The following EIF2AK4 variants were observed in gnomAD, a reference collection of about 807,000 sequenced individuals.
EIF2AK4 encodes the protein eukaryotic translation initiation factor 2 alpha kinase 4, also known as eIF-2-alpha kinase GCN2.
A neutral mutation model predicts 211.1 loss-of-function variants in EIF2AK4; 139 were observed. The ratio of observed to expected loss-of-function variants is 0.66; its 90% CI spans 0.57 to 0.76. The LOEUF (loss-of-function observed/expected upper bound fraction) is 0.76, where lower values mean the gene tolerates loss of function less well. Among genes scored for constraint, EIF2AK4 ranks in the 30% least tolerant of loss-of-function variants. The pLI, the probability that EIF2AK4 is intolerant of heterozygous loss-of-function variation, is 0.00. For missense variants in EIF2AK4, 1,664 were observed against 2,043.8 expected (o/e 0.81, Z 3.58); for synonymous variants, 710 against 751.3 (o/e 0.94, Z 0.90).
In EIF2AK4 at chr15:40,035,223, A is replaced by C. The variant is rs1025369046; in HGVS notation, c.*139A>C. ...AGTGGCTCACACCTTTAATCCCAGC[A>C]CTTTGGGAAGCCAAGGCAGGAAGAC... On this transcript the variant is annotated 3_prime_UTR_variant, in exon 39 of 39. Coordinates refer to ENST00000263791, the MANE Select transcript of EIF2AK4 (RefSeq NM_001013703.4). The C allele has an allele frequency of 3.1e-5, 18 of 589,936 alleles. No homozygotes were observed. Among genetic ancestry groups the C allele is most frequent in the Non-Finnish European group, 7.8e-6 (3 of 385,668 alleles). The allele number at this position is 589,936 out of a possible 1,614,324, so 36.5% of individuals were successfully genotyped here.
chr15:40,033,427 C>A (rs576382469), intron 37 of EIF2AK4, among the ~76,000 whole-genome samples: 1 of 152,244 alleles, frequency 6.6e-6, no homozygotes, highest in South Asian at 2.1e-4. Flanking sequence ...CCTTTATCAT[C>A]AAATAGCCTA....
chr15:40,024,519 C>T (rs1346705018), intron 32 of EIF2AK4, among the ~76,000 whole-genome samples: 1 of 151,074 alleles, frequency 6.6e-6, no homozygotes, highest in Non-Finnish European at 1.5e-5. Flanking sequence ...CCTACCTCAG[C>T]CTCCTGAGTA....
intron 32 of EIF2AK4, among the ~76,000 whole-genome samples, chr15:40,023,643 G>A (rs2035424296): frequency 6.6e-6 from 1 of 152,138 alleles, no homozygotes; most frequent in Non-Finnish European, 1.5e-5. Flanking sequence ...CCTGATATGG[G>A]TAATTTGTGT....
In EIF2AK4 at chr15:40,006,943, A is replaced by C. The variant is rs2035170087; in HGVS notation, c.3358-73A>C. 2.6e-6 allele frequency: 3 copies of C among 1,162,202 alleles called. No individual in the cohort carries two copies. In the South Asian group the frequency reaches 3.9e-5, roughly 15 times the overall value. 72.0% of individuals were successfully genotyped at this position (1,162,202 alleles called of 1,614,324 possible). A position where few individuals can be genotyped will look rare whatever the true frequency, so the allele number is the denominator to read the frequency against. ...GGGTGAACTTTATGGGACAGGAGTT[A>C]TGTTTCAATAAAGCCGCTATTAACA... On this transcript the variant is annotated intron_variant, in intron 23 of 38. Coordinates refer to ENST00000263791, the MANE Select transcript of EIF2AK4 (RefSeq NM_001013703.4).
chr15:40,034,977 T>G, intron 38 of EIF2AK4, 50 bp from the exon 39 acceptor site: 1 of 1,437,308 alleles, frequency 7.0e-7, no homozygotes, highest in Non-Finnish European at 9.5e-7. Flanking sequence ...AGCTCTGTTC[T>G]TCACTCATTA....
chr15:39,999,805 T>C (rs986814366), intron 20 of EIF2AK4, among the ~76,000 whole-genome samples: 11 of 152,212 alleles, frequency 7.2e-5, no homozygotes, highest in Admixed American at 3.9e-4. Flanking sequence ...TAAGTAAACA[T>C]TCATTTCATA....
Position 40,016,658 on chromosome 15 carries a change from G to T in EIF2AK4, c.3916G>T (p.Gly1306Cys), listed in dbSNP as rs35602605. 257,376 of 1,613,804 alleles carry T rather than the reference G, an allele frequency of 0.16. 22,431 individuals are homozygous for T. The highest frequency in any genetic ancestry group is 0.18 in the Non-Finnish European group (215,677 of 1,179,882). Residue 1306 changes from glycine (G) to cysteine (C), a missense_variant, in exon 28 of 39, where the codon GGC becomes TGC. By Grantham distance (159) the Gly-to-Cys change is radical (BLOSUM62 -3). Around this residue, in one of 7 missense-constraint regions of EIF2AK4, gnomAD observed 622 missense variants for 796.8 expected, o/e 0.78. Transcript: ENST00000263791. ...GGTTGTTGGACTGTTGAAGAAACTC[G>T]GCATCAAGTTACAGGTTTGGCAACA... The part of the protein sequence containing the change: ...EEVVGLLKKL[G>C]IKLQVLINLG...
chr15:39,972,954 T>C lies in EIF2AK4; in HGVS notation c.1600T>C (p.Leu534=). 6.2e-7 allele frequency: 1 copy of C among 1,614,058 alleles called. No individual in the cohort carries two copies. The highest frequency in any genetic ancestry group is 8.5e-7 in the Non-Finnish European group (1 of 1,179,994). Residue 534 remains leucine, a synonymous_variant, in exon 10 of 39, where the codon TTG becomes CTG. Coordinates refer to ENST00000263791, the MANE Select transcript of EIF2AK4 (RefSeq NM_001013703.4). The part of the protein sequence containing the change: ...DKERWSPQQL[L]KHSFINPQPK... Reference sequence around the variant, plus strand: ...GGAAAGATGGAGTCCCCAGCAGTTGTTGAAACACAGCTTTATAAATCCCCA... The same window carrying C: ...GGAAAGATGGAGTCCCCAGCAGTTGCTGAAACACAGCTTTATAAATCCCCA...
intron 18 of EIF2AK4, 97 bp from the exon 19 acceptor site, chr15:39,996,867 A>G (rs2035025024): frequency 3.4e-6 from 3 of 889,340 alleles, no homozygotes; most frequent in Non-Finnish European, 5.5e-6. Context: ...GTACTCCTAC[A>G]AACTTTATTT....
rs1360583083 is a variant in EIF2AK4 at position 39,967,855 on chromosome 15, C to G, written c.1529C>G (p.Ala510Gly). Residue 510 changes from alanine (A) to glycine (G), a missense_variant, in exon 9 of 39, where the codon GCT becomes GGT. Physicochemically the swap from Ala to Gly is moderately conservative, Grantham distance 60 (BLOSUM62 0). Coordinates refer to ENST00000263791, the MANE Select transcript of EIF2AK4 (RefSeq NM_001013703.4). ...GTGACCATCCCTAGTGACTTACCAG[C>G]TGACTTTCAAGATTTTCTAAAGAAG... ...YPVTIPSDLPADFQDFLKKCV... is the reference protein window; with the variant it reads ...YPVTIPSDLPGDFQDFLKKCV... 6.2e-7 allele frequency: 1 copy of G among 1,613,740 alleles called. No homozygotes were observed. The highest frequency in any genetic ancestry group is 1.3e-5 in the African/African-American group (1 of 74,914).
chr15:39,985,972 A>C, intron 14 of EIF2AK4, 84 bp downstream of exon 14: 1 of 1,231,716 alleles, frequency 8.1e-7, no homozygotes, highest in Non-Finnish European at 1.2e-6. Flanking sequence ...GAACAAGATA[A>C]TGGACAGAGG....
Position 39,967,515 on chromosome 15 carries a change from A to G in EIF2AK4, c.1189A>G (p.Ile397Val). ...TGCACACCTGAGCCACTCAGGCCCC[A>G]TCCCTGTGCATCAGCTTCGCAGGTA... Reference protein sequence around the residue: ...LAAHLSHSGPIPVHQLRRYTA... With the variant: ...LAAHLSHSGPVPVHQLRRYTA... Residue 397 changes from isoleucine to valine, a missense_variant, in exon 9 of 39, where the codon ATC becomes GTC. Physicochemically the swap from Ile to Val is conservative, Grantham distance 29. Coordinates refer to ENST00000263791, the MANE Select transcript of EIF2AK4 (RefSeq NM_001013703.4). 1 of 1,613,872 alleles carries G rather than the reference A, an allele frequency of 6.2e-7. No homozygotes were observed. The highest frequency in any genetic ancestry group is 1.1e-5 in the South Asian group (1 of 91,072).
intron 18 of EIF2AK4, among the ~76,000 whole-genome samples, chr15:39,995,081 A>T (rs1330606925): frequency 1.3e-5 from 2 of 152,072 alleles, no homozygotes; most frequent in African/African-American, 4.8e-5. Context: ...ACCTCAGATG[A>T]TCCACTTGCC....
At chr15:39,953,075 T>C (rs1595545440) in intron 4 of EIF2AK4, among the ~76,000 whole-genome samples, 1 of 152,254 alleles carries the variant, frequency 6.6e-6, no homozygotes, top group South Asian at 2.1e-4. Flanking sequence ...CTCAAACTCC[T>C]GACCTTGTGA....
intron 19 of EIF2AK4, among the ~76,000 whole-genome samples, chr15:39,998,257 G>GTTTTTT (rs752625722): frequency 9.1e-5 from 10 of 109,750 alleles, no homozygotes; most frequent in Non-Finnish European, 1.6e-4. Flanking sequence ...TATGGGTGTG[G>GTTTTTT]TTTTTTTTTT....
intron 29 of EIF2AK4, among the ~76,000 whole-genome samples, chr15:40,018,128 G>A (rs1304476913): frequency 6.6e-6 from 1 of 152,048 alleles, no homozygotes; most frequent in African/African-American, 2.4e-5. Context: ...ACATCAAACA[G>A]TGTTAAATTT....
intron 19 of EIF2AK4, among the ~76,000 whole-genome samples, chr15:39,998,453 A>G (rs1158222894): frequency 1.3e-5 from 2 of 152,006 alleles, no homozygotes; most frequent in African/African-American, 4.8e-5. Context: ...CCTGAGCTAA[A>G]AGGGACCAAT....
At chr15:39,954,404 C>T (rs1280670472) in intron 5 of EIF2AK4, among the ~76,000 whole-genome samples, 1 of 152,162 alleles carries the variant, frequency 6.6e-6, no homozygotes, top group Non-Finnish European at 1.5e-5. Flanking sequence ...AGGCGTATGC[C>T]ACTACGCCTG....
At chr15:40,027,664 G>A (rs1049041854) in intron 33 of EIF2AK4, among the ~76,000 whole-genome samples, 2 of 152,156 alleles carry the variant, frequency 1.3e-5, no homozygotes, top group African/African-American at 2.4e-5. Flanking sequence ...GCCGAGAAGG[G>A]GGGATCATGA....
Sources: gnomAD v4.1 joint callset for allele counts (sites outside exome capture counted in the v4.1 genomes callset) on GRCh38, gnomAD v4.1.1 for gene constraint, gnomAD v4.1.1 regional missense constraint, MANE v1.5 for transcripts, NCBI Gene and HGNC (gene_info 2026-07-23, HGNC 2026-07-21) for gene names.